Variants in AGFG1 observed in about 807,000 individuals in gnomAD.
The protein encoded by AGFG1 is arf-GAP domain and FG repeat-containing protein 1.
AGFG1 carries 10 observed loss-of-function variants against 60.6 expected under a neutral mutation model. The observed-to-expected ratio is 0.16, with a 90% CI of 0.10 to 0.28. The LOEUF is 0.28. Ranked by LOEUF, AGFG1 falls within the 10% of genes least tolerant of loss-of-function variation. AGFG1 has a pLI of 1.00. For missense variants in AGFG1, 537 were observed against 676.5 expected (o/e 0.79, Z 2.29); for synonymous variants, 247 against 242.9 (o/e 1.02, Z -0.16).
intron 10 of AGFG1, among the ~76,000 whole-genome samples, chr2:227,537,582 AT>A (rs1692350292): frequency 1.3e-5 from 2 of 151,824 alleles, no homozygotes; most frequent in Admixed American, 1.3e-4. Context: ...TGTTGTCTCC[AT>A]TTTATTTTTT....
chr2:227,483,742 T>C (rs534244294), intron 1 of AGFG1, among the ~76,000 whole-genome samples: 207 of 152,320 alleles, frequency 1.4e-3, no homozygotes, highest in African/African-American at 4.6e-3. Context: ...TTTTGATATA[T>C]ATGAATGGAA....
chr2:227,502,243 ATAAAT>A (rs891279064), intron 2 of AGFG1, among the ~76,000 whole-genome samples: 1 of 152,220 alleles, frequency 6.6e-6, no homozygotes, highest in Non-Finnish European at 1.5e-5. Flanking sequence ...TATTCTATGA[ATAAAT>A]TATAATTTGT....
At chr2:227,505,494 T>C (rs1304326194) in intron 2 of AGFG1, among the ~76,000 whole-genome samples, 1 of 152,162 alleles carries the variant, frequency 6.6e-6, no homozygotes, top group Non-Finnish European at 1.5e-5. Flanking sequence ...TTCCAGAGGC[T>C]CTTAATTTTT....
intron 2 of AGFG1, among the ~76,000 whole-genome samples, chr2:227,516,191 A>C (rs1450713524): frequency 6.6e-6 from 1 of 152,230 alleles, no homozygotes; most frequent in Non-Finnish European, 1.5e-5. Context: ...AGCCCACTTC[A>C]GAATAACCTG....
intron 4 of AGFG1, 61 bp downstream of exon 4, chr2:227,523,986 T>C: frequency 6.7e-7 from 1 of 1,502,094 alleles, no homozygotes; most frequent in Non-Finnish European, 9.1e-7. Flanking sequence ...GTATCAAGAA[T>C]TTGAGAATTG....
intron 2 of AGFG1, among the ~76,000 whole-genome samples, chr2:227,493,736 A>G (rs1459344531): frequency 2.0e-5 from 3 of 152,032 alleles, no homozygotes; most frequent in African/African-American, 4.8e-5. Flanking sequence ...GATGTGTTAC[A>G]CCGGCTTAGT....
chr2:227,472,260 C>A lies in AGFG1; in HGVS notation c.-162C>A. 7.8e-6 allele frequency: 2 copies of A among 256,926 alleles called. No individual in the cohort carries two copies. The highest frequency in any genetic ancestry group is 2.7e-4 in the South Asian group (2 of 7,450). The allele number at this position is 256,926 out of a possible 1,614,324, so 15.9% of individuals were successfully genotyped here. The stretch of plus-strand genomic sequence containing the variant: ...GCGTACCACAGCGCCCGGGCCGCGT[C>A]GAGCCCAGTACAGCCAAGCCGCTGC... On this transcript the variant is annotated 5_prime_UTR_variant, in exon 1 of 13. Transcript: ENST00000310078.
chr2:227,493,473 T>C (rs914252520), intron 2 of AGFG1, among the ~76,000 whole-genome samples: 1 of 152,226 alleles, frequency 6.6e-6, no homozygotes, highest in African/African-American at 2.4e-5. Flanking sequence ...TATTGTCATG[T>C]ATGGCAGGAT....
rs186501654 is a variant in AGFG1, at chr2:227,486,480, C to G, written c.168-5067C>G. ...AATTTCCTACTGCCTTATTAACTTA[C>G]ATTTTGCCAACCAGTTCATATAAGA... is the stretch of plus-strand genomic sequence containing the variant. On this transcript the variant is annotated intron_variant, in intron 1 of 12. Transcript: ENST00000310078. 7.2e-5 allele frequency among the ~76,000 whole-genome samples: 11 copies of G among 152,248 alleles called. No homozygotes were observed. The East Asian group carries it at 1.4e-3, about 19-fold the overall frequency.
In AGFG1 at chr2:227,531,083, A is replaced by G. The variant is rs567732797; in HGVS notation, c.695-8A>G. On this transcript the variant is annotated splice_region_variant and splice_polypyrimidine_tract_variant and intron_variant, in intron 5 of 12. Coordinates refer to ENST00000310078, the MANE Select transcript of AGFG1 (RefSeq NM_004504.5). ...TCATTAACATATGTTGTTCCTTACC[A>G]TTTACAGCTCAGAATTCTGCAAATG... 12 of 1,609,340 alleles carry G rather than the reference A, an allele frequency of 7.5e-6. No individual in the cohort carries two copies. The highest frequency in any genetic ancestry group is 1.1e-5 in the South Asian group (1 of 90,240).
At chr2:227,532,395 G>A (rs1347943269) in intron 6 of AGFG1, among the ~76,000 whole-genome samples, 1 of 152,042 alleles carries the variant, frequency 6.6e-6, no homozygotes, top group Non-Finnish European at 1.5e-5. Flanking sequence ...GAGTTACTTG[G>A]TTTAATAATA....
intron 1 of AGFG1, among the ~76,000 whole-genome samples, chr2:227,489,111 G>A (rs551971168): frequency 3.3e-5 from 5 of 151,776 alleles, no homozygotes; most frequent in African/African-American, 4.8e-5. Flanking sequence ...CACTGTGCCC[G>A]GCCACTTTTG....
chr2:227,523,061 A>G (rs551468094), intron 3 of AGFG1, among the ~76,000 whole-genome samples: 15 of 152,306 alleles, frequency 9.8e-5, no homozygotes, highest in Non-Finnish European at 1.9e-4. Context: ...CCATGTGTAC[A>G]TGCATCTGTA....
At chr2:227,524,982 T>C in intron 5 of AGFG1, 67 bp downstream of exon 5, 3 of 1,565,714 alleles carry the variant, frequency 1.9e-6, no homozygotes, top group Non-Finnish European at 2.6e-6. Flanking sequence ...ATCAATTCTT[T>C]ATCACACTTT....
chr2:227,548,426 G>A (rs62191040), intron 10 of AGFG1, among the ~76,000 whole-genome samples: 6,800 of 152,294 alleles, frequency 0.045, 231 homozygotes, highest in Middle Eastern at 0.11. Context: ...CTTTGTTGCA[G>A]ACTGAGGTAT....
At chr2:227,528,347 G>A (rs1692058201) in intron 5 of AGFG1, among the ~76,000 whole-genome samples, 1 of 152,112 alleles carries the variant, frequency 6.6e-6, no homozygotes, top group Non-Finnish European at 1.5e-5. Flanking sequence ...AGTTGTTGGA[G>A]TTGTGGTAGA....
intron 2 of AGFG1, among the ~76,000 whole-genome samples, chr2:227,512,059 TAAAG>T (rs1691510386): frequency 6.6e-6 from 1 of 152,180 alleles, no homozygotes; most frequent in African/African-American, 2.4e-5. Context: ...AAATTACTTT[TAAAG>T]AAACCCTAGG....
chr2:227,477,443 T>A (rs577160124), intron 1 of AGFG1, among the ~76,000 whole-genome samples: 1 of 152,212 alleles, frequency 6.6e-6, no homozygotes, highest in East Asian at 1.9e-4. Flanking sequence ...TTTGCTGTTA[T>A]AACCTGCTAG....
chr2:227,531,256 A>G (rs1274741900), intron 6 of AGFG1, 46 bp downstream of exon 6: 3 of 1,582,480 alleles, frequency 1.9e-6, no homozygotes, highest in Non-Finnish European at 2.6e-6. Context: ...TTTACAAAAC[A>G]AAACTCTCTA....
Sources: allele counts gnomAD v4.1 joint callset (sites outside exome capture counted in the v4.1 genomes callset), GRCh38; gene constraint gnomAD v4.1.1; transcripts MANE v1.5; gene names NCBI Gene and HGNC (gene_info 2026-07-23, HGNC 2026-07-21).